Variants in FOXN3 observed in about 807,000 individuals in gnomAD.
The protein encoded by FOXN3 is forkhead box N3, also known as forkhead box protein N3.
In FOXN3, 7 loss-of-function variants were observed where a neutral mutation model predicts 38.4. The ratio of observed to expected loss-of-function variants is 0.18; its 90% CI spans 0.10 to 0.34. The LOEUF is 0.34. Among genes scored for constraint, FOXN3 ranks in the 10% least tolerant of loss-of-function variants. The pLI, the probability that FOXN3 is intolerant of heterozygous loss-of-function variation, is 1.00. For synonymous variants in FOXN3, 230 were observed against 242.2 expected (o/e 0.95, Z 0.47); for missense variants, 456 against 613.4 (o/e 0.74, Z 2.71).
At chr14:89,493,243 T>A (rs1893617575) in intron 1 of FOXN3, among the ~76,000 whole-genome samples, 1 of 152,160 alleles carries the variant, frequency 6.6e-6, no homozygotes, top group African/African-American at 2.4e-5. Context: ...ATAATGGGCA[T>A]AAATAAAAAA....
intron 1 of FOXN3, among the ~76,000 whole-genome samples, chr14:89,593,736 A>G (rs1180918164): frequency 6.6e-6 from 1 of 152,194 alleles, no homozygotes; most frequent in Non-Finnish European, 1.5e-5. Flanking sequence ...CAGCCTCTCT[A>G]GTAGCTGGGA....
chr14:89,472,720 CAAAAA>C (rs1157948946), intron 1 of FOXN3, among the ~76,000 whole-genome samples: 1 of 46,586 alleles, frequency 2.1e-5, no homozygotes. Context: ...GACCCCATCT[CAAAAA>C]AAAAAAAAAA....
intron 1 of FOXN3, among the ~76,000 whole-genome samples, chr14:89,503,943 C>T (rs921083049): frequency 4.6e-5 from 7 of 152,198 alleles, no homozygotes; most frequent in African/African-American, 2.4e-5. Flanking sequence ...ATCGGATTTG[C>T]CCCTTACTTC....
intron 1 of FOXN3, among the ~76,000 whole-genome samples, chr14:89,505,169 AGTT>A (rs1289231265): frequency 6.6e-6 from 1 of 151,998 alleles, no homozygotes; most frequent in East Asian, 1.9e-4. Context: ...AGGCAGTTTT[AGTT>A]GTTATTGTTG....
chr14:89,433,403 A>G (rs748128436), intron 1 of FOXN3, among the ~76,000 whole-genome samples: 23 of 152,090 alleles, frequency 1.5e-4, no homozygotes, highest in Non-Finnish European at 2.2e-4. Flanking sequence ...AATCGCTTGA[A>G]CTCAGGAGGC....
chr14:89,214,891 T>G (rs1277298065), intron 4 of FOXN3, among the ~76,000 whole-genome samples: 1 of 152,254 alleles, frequency 6.6e-6, no homozygotes, highest in Non-Finnish European at 1.5e-5. Flanking sequence ...GGCCAGATGC[T>G]GCTTCTGACT....
At chr14:89,352,403 A>G (rs1394611670) in intron 2 of FOXN3, among the ~76,000 whole-genome samples, 1 of 152,250 alleles carries the variant, frequency 6.6e-6, no homozygotes, top group Non-Finnish European at 1.5e-5. Context: ...AGAGCTGTGC[A>G]GAAGAAAGCC....
At chr14:89,308,224 A>G (rs1201541058) in intron 3 of FOXN3, among the ~76,000 whole-genome samples, 1 of 152,230 alleles carries the variant, frequency 6.6e-6, no homozygotes, top group African/African-American at 2.4e-5. Context: ...AGACTGTACC[A>G]CTGCACTCCA....
At chr14:89,333,820 T>G (rs1332340797) in intron 3 of FOXN3, among the ~76,000 whole-genome samples, 1 of 145,240 alleles carries the variant, frequency 6.9e-6, no homozygotes, top group African/African-American at 2.6e-5. Flanking sequence ...TGGGTATATA[T>G]CCAAAGGAAA....
intron 3 of FOXN3, among the ~76,000 whole-genome samples, chr14:89,297,769 G>T (rs35839078): frequency 2.0e-5 from 3 of 152,056 alleles, no homozygotes; most frequent in Admixed American, 6.5e-5. Flanking sequence ...CTTGAGGCTA[G>T]GAGTTCGAGA....
At chr14:89,583,540 TTCTC>T (rs920333788) in intron 1 of FOXN3, among the ~76,000 whole-genome samples, 3 of 151,886 alleles carry the variant, frequency 2.0e-5, no homozygotes, top group Non-Finnish European at 2.9e-5. Context: ...AATTTGTGTG[TTCTC>T]TCTCTCTCTC....
At chr14:89,410,884 AGG>A (rs1891524628) in intron 2 of FOXN3, among the ~76,000 whole-genome samples, 2 of 148,216 alleles carry the variant, frequency 1.3e-5, no homozygotes, top group African/African-American at 5.0e-5. Context: ...AAAAAAAAAG[AGG>A]AAAAAAAAGA....
At chr14:89,612,646 T>G (rs1362237051) in intron 1 of FOXN3, among the ~76,000 whole-genome samples, 1 of 151,482 alleles carries the variant, frequency 6.6e-6, no homozygotes, top group Non-Finnish European at 1.5e-5. Context: ...AATAAAAAAT[T>G]AGCAGGGCAT....
chr14:89,199,064 C>T (rs770248369), intron 4 of FOXN3, among the ~76,000 whole-genome samples: 1 of 152,230 alleles, frequency 6.6e-6, no homozygotes, highest in Non-Finnish European at 1.5e-5. Flanking sequence ...ACAGCCGCCT[C>T]TGATCTTGAA....
At chr14:89,449,638 C>T (rs1391373645) in intron 1 of FOXN3, among the ~76,000 whole-genome samples, 1 of 152,184 alleles carries the variant, frequency 6.6e-6, no homozygotes, top group Non-Finnish European at 1.5e-5. Context: ...TTTGGAATTA[C>T]CACGTTTTTG....
chr14:89,492,060 C>G (rs1037441378), intron 1 of FOXN3, among the ~76,000 whole-genome samples: 1 of 152,176 alleles, frequency 6.6e-6, no homozygotes, highest in African/African-American at 2.4e-5. Context: ...CCTGCTCCAG[C>G]ACTCCCCAAA....
intron 1 of FOXN3, among the ~76,000 whole-genome samples, chr14:89,550,216 G>A (rs941054357): frequency 6.6e-5 from 10 of 152,122 alleles, no homozygotes; most frequent in Non-Finnish European, 8.8e-5. Context: ...TCCATGTTCC[G>A]CCACCCATCT....
At chr14:89,333,577 T>C (rs1423937275) in intron 3 of FOXN3, among the ~76,000 whole-genome samples, 2 of 151,484 alleles carry the variant, frequency 1.3e-5, no homozygotes, top group Non-Finnish European at 2.9e-5. Context: ...CTGGCCAACA[T>C]GGTGAAACCA....
intron 3 of FOXN3, among the ~76,000 whole-genome samples, chr14:89,314,280 A>G (rs1596176244): frequency 6.6e-6 from 1 of 152,214 alleles, no homozygotes; most frequent in African/African-American, 2.4e-5. Flanking sequence ...ACAATAAGCT[A>G]TTTTAATTCT....
Sources: gnomAD v4.1 joint callset for allele counts (sites outside exome capture counted in the v4.1 genomes callset) on GRCh38, gnomAD v4.1.1 for gene constraint, MANE v1.5 for transcripts, NCBI Gene and HGNC (gene_info 2026-07-23, HGNC 2026-07-21) for gene names.